PLXNA4: variants seen among roughly 807,000 people sequenced by gnomAD.
PLXNA4 encodes plexin A4.
Under a neutral mutation model 191.8 loss-of-function variants are expected in PLXNA4, and 44 were observed. The observed-to-expected ratio is 0.23, with a 90% CI of 0.18 to 0.29. The LOEUF (loss-of-function observed/expected upper bound fraction) is 0.29, where lower values mean the gene tolerates loss of function less well. PLXNA4 is among the 10% of genes least tolerant of loss of function. PLXNA4 has a pLI of 1.00. For synonymous variants in PLXNA4, 1,082 were observed against 1,009.5 expected (o/e 1.07, Z -1.36); for missense variants, 1,800 against 2,488.8 (o/e 0.72, Z 5.89).
At chr7:132,305,405 C>CACACACAT (rs1801478162) in intron 3 of PLXNA4, among the ~76,000 whole-genome samples, 1 of 148,964 alleles carries the variant, frequency 6.7e-6, no homozygotes, top group Non-Finnish European at 1.5e-5. Flanking sequence ...CACACACACA[C>CACACACAT]ACTCTACTCT....
At chr7:132,304,155 A>G (rs1362165610) in intron 3 of PLXNA4, among the ~76,000 whole-genome samples, 3 of 152,178 alleles carry the variant, frequency 2.0e-5, no homozygotes, top group African/African-American at 4.8e-5. Flanking sequence ...ATACTGAGAG[A>G]AGGGTTAGAG....
At position 132,238,742 on chromosome 7, in the gene PLXNA4, C is replaced by T. The variant is rs563190283; in HGVS notation, c.1604+2324G>A. Reference sequence around the variant, plus strand: ...TGCCACTTAGACAAAGGCTGGGAACCCCCCAGGAAGAGAAGCATGCAGTTA... The same window carrying T: ...TGCCACTTAGACAAAGGCTGGGAACTCCCCAGGAAGAGAAGCATGCAGTTA... On this transcript the variant is annotated intron_variant, in intron 5 of 31. Coordinates refer to ENST00000321063, the MANE Select transcript of PLXNA4 (RefSeq NM_020911.2). 5.9e-5 allele frequency among the ~76,000 whole-genome samples: 9 copies of T among 152,196 alleles called. No homozygotes were observed. In the South Asian group the frequency reaches 1.7e-3, roughly 28 times the overall value.
Position 132,132,450 on chromosome 7 carries a change from C to CTGTTCTGT in PLXNA4, c.5589+591_5589+598dup, listed in dbSNP as rs1563048227. 3.5e-4 allele frequency among the ~76,000 whole-genome samples: 17 copies of CTGTTCTGT among 48,100 alleles called. 1 individual carries two copies. The highest frequency in any genetic ancestry group is 0.016 in the Middle Eastern group (2 of 124). The allele number at this position is 48,100 out of a possible 152,430, so 31.6% of individuals were successfully genotyped here. ...CTGTTCTGTTCTGTTCTGTTCTGTT[C>CTGTTCTGT]TGTTCTGTTCTGTTCTGCTCTGCTC... is the stretch of plus-strand genomic sequence containing the variant. On this transcript the variant is annotated intron_variant, in intron 31 of 31. Transcript: ENST00000321063.
chr7:132,481,736 C>T (rs1797344821), intron 3 of PLXNA4, among the ~76,000 whole-genome samples: 1 of 152,194 alleles, frequency 6.6e-6, no homozygotes. Flanking sequence ...TCCATGGCCA[C>T]ACAGAGTTCT....
In PLXNA4 at chr7:132,406,832, G is replaced by A. The variant is rs578101073; in HGVS notation, c.1371+82460C>T. Among the ~76,000 whole-genome samples, 349 of 152,208 alleles carry A rather than the reference G, an allele frequency of 2.3e-3. 7 individuals are homozygous for A. The highest frequency in any genetic ancestry group is 2.9e-3 in the Non-Finnish European group (200 of 68,014). ...GTAAGAAGGGCCAAGTTCAAATCTC[G>A]AATGTCCTTGTGCTTCCCCAACTCT... On this transcript the variant is annotated intron_variant, in intron 3 of 31. Coordinates refer to ENST00000321063, the MANE Select transcript of PLXNA4 (RefSeq NM_020911.2).
intron 2 of PLXNA4, among the ~76,000 whole-genome samples, chr7:132,636,859 C>T (rs149308168): frequency 7.2e-5 from 11 of 152,244 alleles, no homozygotes; most frequent in African/African-American, 2.2e-4. Flanking sequence ...CCCTCGCCTT[C>T]GCTATTTGAA....
Position 132,190,259 on chromosome 7 carries a change from C to A in PLXNA4, c.2857-2652G>T, listed in dbSNP as rs1584819738. Among the ~76,000 whole-genome samples the A allele has an allele frequency of 5.9e-5, 9 of 152,340 alleles. 2 individuals are homozygous for A. The highest frequency in any genetic ancestry group is 5.9e-4 in the Admixed American group (9 of 15,306). Reference sequence around the variant, plus strand: ...TTCTTCTAGGAAGTCTCCCTTAATACCCTAAATTCAATCACACCCCTCTCC... The same window carrying A: ...TTCTTCTAGGAAGTCTCCCTTAATAACCTAAATTCAATCACACCCCTCTCC... On this transcript the variant is annotated intron_variant, in intron 14 of 31. Coordinates refer to ENST00000321063, the MANE Select transcript of PLXNA4 (RefSeq NM_020911.2).
At chr7:132,629,772 G>A (rs1380365768) in intron 2 of PLXNA4, among the ~76,000 whole-genome samples, 1 of 152,184 alleles carries the variant, frequency 6.6e-6, no homozygotes, top group Non-Finnish European at 1.5e-5. Flanking sequence ...TTCCTGGCTT[G>A]CAGATGGCCG....
intron 5 of PLXNA4, among the ~76,000 whole-genome samples, chr7:132,232,183 C>T (rs113687345): frequency 0.01 from 1,595 of 152,220 alleles, 33 homozygotes; most frequent in African/African-American, 0.036. Flanking sequence ...TGTTAATTCA[C>T]GACCTGAGAG....
intron 1 of PLXNA4, among the ~76,000 whole-genome samples, chr7:132,554,489 C>G (rs1236037633): frequency 6.6e-6 from 1 of 152,216 alleles, no homozygotes; most frequent in Non-Finnish European, 1.5e-5. Flanking sequence ...TCTCCACAGT[C>G]AACCAGTGGT....
intron 4 of PLXNA4, among the ~76,000 whole-genome samples, chr7:132,281,080 A>G (rs1234341361): frequency 5.3e-5 from 8 of 152,204 alleles, no homozygotes; most frequent in Non-Finnish European, 1.2e-4. Flanking sequence ...ACATTTTACT[A>G]TCACCAAGAA....
chr7:132,137,932 G>A (rs1213603888), intron 30 of PLXNA4, among the ~76,000 whole-genome samples: 1 of 151,596 alleles, frequency 6.6e-6, no homozygotes, highest in African/African-American at 2.4e-5. Context: ...GTGGAAGGAT[G>A]GGCGCAAAGA....
intron 4 of PLXNA4, among the ~76,000 whole-genome samples, chr7:132,278,752 T>C (rs1800370731): frequency 6.6e-6 from 1 of 152,224 alleles, no homozygotes; most frequent in Non-Finnish European, 1.5e-5. Flanking sequence ...TCCCCTTCGG[T>C]GCACACAGTG....
At chr7:132,319,760 G>A (rs952645414) in intron 3 of PLXNA4, among the ~76,000 whole-genome samples, 11 of 152,220 alleles carry the variant, frequency 7.2e-5, no homozygotes, top group Middle Eastern at 3.4e-3. Context: ...CTTTTATTCC[G>A]TGTAAGTTCC....
chr7:132,600,537 T>C (rs903152152), intron 2 of PLXNA4, among the ~76,000 whole-genome samples: 1 of 152,078 alleles, frequency 6.6e-6, no homozygotes, highest in African/African-American at 2.4e-5. Flanking sequence ...CAATTATTTT[T>C]TATTTTTTGT....
intron 3 of PLXNA4, among the ~76,000 whole-genome samples, chr7:132,308,293 A>G (rs1381895050): frequency 6.6e-6 from 1 of 152,202 alleles, no homozygotes; most frequent in African/African-American, 2.4e-5. Flanking sequence ...AAACCTTGGT[A>G]GGTCAGCCAC....
rs199706096 is a variant in PLXNA4 at position 132,576,294 on chromosome 7, TGTGTGC to T, written c.-87+122_-87+127del. On this transcript the variant is annotated intron_variant, in intron 1 of 31. Coordinates refer to ENST00000321063, the MANE Select transcript of PLXNA4 (RefSeq NM_020911.2). The surrounding 1 kb of genome is among the most constrained non-coding windows in gnomAD (Gnocchi z 5.8). The stretch of plus-strand genomic sequence containing the variant: ...GTGTGGATCTGTGTGTGTGCCTGCG[TGTGTGC>T]GTGTGCGTGTGCCGCGGGCTGGCTC... 46 of 642,196 alleles carry T rather than the reference TGTGTGC, an allele frequency of 7.2e-5. No homozygotes were observed. The highest frequency in any genetic ancestry group is 3.1e-4 in the African/African-American group (15 of 48,998). The allele number at this position is 642,196 out of a possible 1,614,324, so 39.8% of individuals were successfully genotyped here.
intron 2 of PLXNA4, among the ~76,000 whole-genome samples, chr7:132,640,786 A>G (rs1223276782): frequency 7.7e-6 from 1 of 129,784 alleles, no homozygotes; most frequent in Non-Finnish European, 1.7e-5. Flanking sequence ...AAAAAAAAAA[A>G]AGGGGGGGGC....
chr7:132,615,447 G>T (rs936891228), intron 2 of PLXNA4, among the ~76,000 whole-genome samples: 1 of 152,164 alleles, frequency 6.6e-6, no homozygotes, highest in African/African-American at 2.4e-5. Flanking sequence ...ACCGCAGGCG[G>T]CCCGCAGTGC....
Sources: gnomAD v4.1 joint callset for allele counts (sites outside exome capture counted in the v4.1 genomes callset) on GRCh38, gnomAD v4.1.1 for gene constraint, Gnocchi (gnomAD v3.1) non-coding constraint, MANE v1.5 for transcripts, NCBI Gene and HGNC (gene_info 2026-07-23, HGNC 2026-07-21) for gene names.